Variants in TMEM278 observed in about 807,000 individuals in gnomAD.
TMEM278 encodes transmembrane protein 88B.
chr1:1,429,625 G>C, the TMEM278 span, among the ~76,000 whole-genome samples: 1 of 152,156 alleles, frequency 6.6e-6, no homozygotes, highest in Non-Finnish European at 1.5e-5. Context: ...GCTGTTATCG[G>C]AGACAATTCT....
chr1:1,427,972 G>A, the TMEM278 span, among the ~76,000 whole-genome samples: 1 of 142,694 alleles, frequency 7.0e-6, no homozygotes, highest in Non-Finnish European at 1.5e-5. Context: ...GGCAGGGGAG[G>A]GGAAGAGAGG....
At chr1:1,428,630 C>T in the TMEM278 span, among the ~76,000 whole-genome samples, 1 of 152,214 alleles carries the variant, frequency 6.6e-6, no homozygotes, top group African/African-American at 2.4e-5. Context: ...TCACCATTTT[C>T]TTTTACCCCC....
chr1:1,427,851 C>T, the TMEM278 span: 4 of 1,312,420 alleles, frequency 3.0e-6, no homozygotes, highest in African/African-American at 4.9e-5. Context: ...TCGCGTGGCC[C>T]GGCCCGGAAA....
At chr1:1,426,346 GGCC>G in the TMEM278 span, 7 of 1,440,898 alleles carry the variant, frequency 4.9e-6, no homozygotes, top group Non-Finnish European at 6.4e-6. Flanking sequence ...TCCTGCCCGC[GGCC>G]GCCGTCGTCT....
the TMEM278 span, chr1:1,427,896 GGCGCGCA>G: frequency 1.9e-6 from 2 of 1,071,848 alleles, no homozygotes; most frequent in South Asian, 4.5e-5. Context: ...TTCCTGGCTG[GGCGCGCA>G]GCGCTCCCGG....
chr1:1,427,053 C>A, the TMEM278 span, among the ~76,000 whole-genome samples: 1 of 144,914 alleles, frequency 6.9e-6, no homozygotes, highest in Non-Finnish European at 1.5e-5. Flanking sequence ...TCGCCCAGGC[C>A]CTAATCCTTC....
At chr1:1,426,197 C>A in the TMEM278 span, 1 of 1,417,212 alleles carries the variant, frequency 7.1e-7, no homozygotes, top group Non-Finnish European at 9.3e-7. Flanking sequence ...AGCGCCCATG[C>A]TGCCCCGGGG....
At chr1:1,427,872 GC>G in the TMEM278 span, 1 of 1,202,808 alleles carries the variant, frequency 8.3e-7, no homozygotes, top group South Asian at 2.0e-5. Context: ...ACTGAGGGTC[GC>G]CCCCGCTGCC....
chr1:1,428,288 C>T, the TMEM278 span, among the ~76,000 whole-genome samples: 11 of 151,784 alleles, frequency 7.2e-5, no homozygotes, highest in African/African-American at 1.5e-4. Flanking sequence ...GCCCAGGTCC[C>T]GGCCTCCATC....
chr1:1,427,768 A>C, the TMEM278 span: 1 of 1,341,378 alleles, frequency 7.5e-7, no homozygotes, highest in Non-Finnish European at 9.5e-7. Context: ...GAGGACGAGC[A>C]ACTCTGCGCC....
the TMEM278 span, among the ~76,000 whole-genome samples, chr1:1,426,627 C>T: frequency 6.6e-6 from 1 of 152,110 alleles, no homozygotes; most frequent in Non-Finnish European, 1.5e-5. Flanking sequence ...GTACCAGGGG[C>T]CACCAGGGCC....
chr1:1,427,865 G>A, the TMEM278 span: 1 of 1,267,438 alleles, frequency 7.9e-7, no homozygotes, highest in Non-Finnish European at 1.0e-6. Context: ...CCGGAAAACT[G>A]AGGGTCGCCC....
the TMEM278 span, chr1:1,426,159 AGGAG>A: frequency 7.1e-7 from 1 of 1,412,214 alleles, no homozygotes; most frequent in Non-Finnish European, 9.3e-7. Flanking sequence ...ACGGAGGAGG[AGGAG>A]GGGGGAGGTG....
chr1:1,427,628 G>C, the TMEM278 span: 1 of 1,339,244 alleles, frequency 7.5e-7, no homozygotes, highest in Non-Finnish European at 9.6e-7. Context: ...TCGTGTTCGG[G>C]CTTCTCTCGC....
the TMEM278 span, among the ~76,000 whole-genome samples, chr1:1,425,933 A>G: frequency 6.6e-6 from 1 of 151,982 alleles, no homozygotes; most frequent in African/African-American, 2.4e-5. Flanking sequence ...TGCCTGGCAG[A>G]GGGGAAACTG....
chr1:1,426,218 C>T, the TMEM278 span: 214 of 1,416,638 alleles, frequency 1.5e-4, 1 homozygote, highest in East Asian at 5.9e-3. Context: ...ACCTCCCGAC[C>T]ACCAGGCCTC....
At chr1:1,427,044 C>T in the TMEM278 span, among the ~76,000 whole-genome samples, 2 of 136,700 alleles carry the variant, frequency 1.5e-5, no homozygotes, top group Non-Finnish European at 3.2e-5. Context: ...GCCTCTCCTT[C>T]GCCCAGGCCC....
the TMEM278 span, chr1:1,427,417 T>C: frequency 1.7e-4 from 6 of 35,776 alleles, no homozygotes; most frequent in African/African-American, 4.1e-4. Flanking sequence ...CCCTCCATCA[T>C]CCCGCCCGCT....
chr1:1,427,652 G>T, the TMEM278 span: 1 of 1,344,872 alleles, frequency 7.4e-7, no homozygotes, highest in Non-Finnish European at 9.6e-7. Flanking sequence ...CGCCGCTGCT[G>T]GTGCTCGCCT....
Sources: allele counts gnomAD v4.1 joint callset (sites outside exome capture counted in the v4.1 genomes callset), GRCh38; gene constraint gnomAD v4.1.1; transcripts MANE v1.5; gene names NCBI Gene and HGNC (gene_info 2026-07-23, HGNC 2026-07-21).